Variants in APBB2 observed in about 807,000 individuals in gnomAD.
APBB2 encodes Fe65-like 1.
APBB2 carries 38 observed loss-of-function variants against 82.5 expected under a neutral mutation model. That is an observed-to-expected ratio of 0.46 (90% CI 0.36 to 0.60). The LOEUF is 0.60. Ranked by LOEUF, APBB2 falls within the 20% of genes least tolerant of loss-of-function variation. The pLI, the probability that APBB2 is intolerant of heterozygous loss-of-function variation, is 0.00. For missense variants in APBB2, 772 were observed against 972.3 expected (o/e 0.79, Z 2.74); for synonymous variants, 341 against 368.2 (o/e 0.93, Z 0.85).
chr4:41,059,916 G>A (rs957811245), intron 4 of APBB2, among the ~76,000 whole-genome samples: 1 of 151,654 alleles, frequency 6.6e-6, no homozygotes, highest in African/African-American at 2.4e-5. Context: ...GGAGGCAGAG[G>A]TTGCAGTGAG....
intron 12 of APBB2, chr4:40,857,090 G>C: frequency 1.0e-6 from 1 of 985,512 alleles, no homozygotes; most frequent in Middle Eastern, 5.2e-4. Flanking sequence ...ACAAGCCCCA[G>C]GGTGCCGGCA....
At chr4:40,982,221 G>GAAAGAAAGAAAGAAAGAAA (rs766666523) in intron 6 of APBB2, among the ~76,000 whole-genome samples, 2 of 12,884 alleles carry the variant, frequency 1.6e-4, no homozygotes, top group Admixed American at 2.2e-3. Context: ...AGAAAAGAAA[G>GAAAGAAAGAAAGAAAGAAA]GAAAGAAAGA....
chr4:40,966,695 C>T (rs763632854), intron 6 of APBB2, among the ~76,000 whole-genome samples: 2 of 152,198 alleles, frequency 1.3e-5, no homozygotes, highest in African/African-American at 2.4e-5. Context: ...ATACCAGCCC[C>T]CTGCTGCCTC....
intron 4 of APBB2, among the ~76,000 whole-genome samples, chr4:41,053,792 T>C (rs1726908117): frequency 6.6e-6 from 1 of 152,170 alleles, no homozygotes; most frequent in African/African-American, 2.4e-5. Flanking sequence ...ATTTTGAAAA[T>C]TACATTTCCA....
At chr4:41,151,372 T>C (rs956049382) in intron 1 of APBB2, among the ~76,000 whole-genome samples, 1 of 152,214 alleles carries the variant, frequency 6.6e-6, no homozygotes, top group East Asian at 1.9e-4. Context: ...TAGGCACACG[T>C]GCCTTGAAAT....
intron 3 of APBB2, among the ~76,000 whole-genome samples, chr4:41,072,282 A>G (rs1369215498): frequency 1.3e-5 from 2 of 152,188 alleles, no homozygotes; most frequent in Non-Finnish European, 2.9e-5. Context: ...ATTAAAGGCC[A>G]GTGGCAAGAC....
chr4:41,118,335 C>T (rs1751745577), intron 2 of APBB2: 3 of 152,210 alleles, frequency 2.0e-5, no homozygotes, highest in African/African-American at 4.8e-5. Flanking sequence ...AACAGAGTCA[C>T]TAGTCGTGGA....
intron 17 of APBB2, 89 bp from the exon 18 acceptor site, chr4:40,816,348 G>T: frequency 7.2e-7 from 1 of 1,397,890 alleles, no homozygotes; most frequent in Non-Finnish European, 1.0e-6. Flanking sequence ...ATAATACATT[G>T]ACTCCCAAAG....
chr4:40,875,820 C>A (rs1194541550), intron 12 of APBB2, among the ~76,000 whole-genome samples: 1 of 152,010 alleles, frequency 6.6e-6, no homozygotes, highest in Non-Finnish European at 1.5e-5. Context: ...AAAAAATAAC[C>A]CCAAAGGTGA....
chr4:40,862,921 C>G (rs1416064245), intron 12 of APBB2, among the ~76,000 whole-genome samples: 11 of 151,636 alleles, frequency 7.3e-5, no homozygotes, highest in Non-Finnish European at 1.6e-4. Context: ...CAAACAGACT[C>G]CTCGCTTTTT....
chr4:40,920,175 A>G (rs762850759), intron 10 of APBB2, among the ~76,000 whole-genome samples: 4 of 152,092 alleles, frequency 2.6e-5, no homozygotes, highest in Non-Finnish European at 5.9e-5. Context: ...GATCTTTCCC[A>G]TGCTGTTCTC....
At chr4:41,039,516 T>C (rs991594982) in intron 4 of APBB2, among the ~76,000 whole-genome samples, 3 of 152,224 alleles carry the variant, frequency 2.0e-5, no homozygotes, top group African/African-American at 7.2e-5. Context: ...TGGGGTATCA[T>C]AGGCTGCTTG....
intron 6 of APBB2, among the ~76,000 whole-genome samples, chr4:41,001,652 C>A (rs1024064545): frequency 6.6e-6 from 1 of 152,198 alleles, no homozygotes; most frequent in East Asian, 1.9e-4. Context: ...CCAAGGCAGG[C>A]GGATCACCTA....
chr4:40,998,762 A>G (rs1804328630), intron 6 of APBB2, among the ~76,000 whole-genome samples: 1 of 152,172 alleles, frequency 6.6e-6, no homozygotes, highest in Admixed American at 6.5e-5. Flanking sequence ...GCTTTGGGTC[A>G]TTATTAAGTA....
intron 6 of APBB2, among the ~76,000 whole-genome samples, chr4:40,946,612 G>T (rs371193972): frequency 1.4e-4 from 21 of 151,550 alleles, no homozygotes; most frequent in African/African-American, 4.8e-4. Context: ...AGAGGGGAGA[G>T]GAAGTAGAAT....
chr4:41,000,292 A>C (rs1229556681), intron 6 of APBB2, among the ~76,000 whole-genome samples: 1 of 150,384 alleles, frequency 6.6e-6, no homozygotes, highest in Non-Finnish European at 1.5e-5. Flanking sequence ...TAAATATTTA[A>C]AAAGGGCAAA....
chr4:41,084,424 C>CAAA (rs1418148074), intron 3 of APBB2, among the ~76,000 whole-genome samples: 2 of 148,964 alleles, frequency 1.3e-5, no homozygotes, highest in African/African-American at 5.0e-5. Flanking sequence ...AACTCAGTCT[C>CAAA]AAAAAAAGAA....
chr4:41,148,460 C>G (rs1016888266), intron 1 of APBB2, among the ~76,000 whole-genome samples: 2 of 152,156 alleles, frequency 1.3e-5, no homozygotes, highest in African/African-American at 4.8e-5. Context: ...AATATGAAAG[C>G]ATTATTGAAA....
In APBB2 at chr4:41,141,368, G is replaced by A. The variant is rs900445263; in HGVS notation, c.-261+1619C>T. Among the ~76,000 whole-genome samples, 38 of 152,122 alleles carry A rather than the reference G, an allele frequency of 2.5e-4. No individual in the cohort carries two copies. In the East Asian group the frequency reaches 4.1e-3, roughly 16 times the overall value. ...TGTGTCTGTGTGTCTGTGTGCACAC[G>A]CGCATGTGTGCGTGTGCATGTGTGC... is the stretch of plus-strand genomic sequence containing the variant. On this transcript the variant is annotated intron_variant, in intron 2 of 17. Transcript: ENST00000508593.
Sources: gnomAD v4.1 joint callset for allele counts (sites outside exome capture counted in the v4.1 genomes callset) on GRCh38, gnomAD v4.1.1 for gene constraint, MANE v1.5 for transcripts, NCBI Gene and HGNC (gene_info 2026-07-23, HGNC 2026-07-21) for gene names.